MDGA2: variants seen among roughly 807,000 people sequenced by gnomAD.
MDGA2 encodes the protein MAM domain containing glycosylphosphatidylinositol anchor 2.
A neutral mutation model predicts 117.8 loss-of-function variants in MDGA2; 40 were observed. The ratio of observed to expected loss-of-function variants is 0.34; its 90% confidence interval spans 0.26 to 0.44. The LOEUF (loss-of-function observed/expected upper bound fraction) is 0.44. MDGA2 is among the 20% of genes least tolerant of loss of function. MDGA2 has a pLI of 1.00. For synonymous variants in MDGA2, 452 were observed against 439.0 expected, an observed-to-expected ratio of 1.03 and a Z score of -0.37; for missense variants, 1,123 against 1,250.6, an observed-to-expected ratio of 0.90 and a Z score of 1.54.
At position 47,200,497 on chromosome 14, in the gene MDGA2, C is replaced by A; in HGVS notation, c.595+17524G>T. On this transcript the variant is annotated intron_variant, in intron 3 of 16. Transcript: ENST00000399232. ...ATTACTCATATATGCAACCACTTCC[C>A]TTTTTCTATTTTTCTTTTCTTTTTT... The A allele has an allele frequency of 2.3e-5, 13 of 566,850 alleles. No individual in the cohort carries two copies. The South Asian group carries it at 4.0e-4, about 17-fold the overall frequency. 35.1% of individuals were successfully genotyped at this position (566,850 alleles called of 1,614,324 possible). A position where few individuals can be genotyped will look rare whatever the true frequency, so the allele number is the denominator to read the frequency against.
At chr14:46,977,641 T>C (rs1886515779) in intron 8 of MDGA2, among the ~76,000 whole-genome samples, 1 of 151,944 alleles carries the variant, frequency 6.6e-6, no homozygotes, top group South Asian at 2.1e-4. Flanking sequence ...TCTAATTAAG[T>C]CAGAATTTTA....
At chr14:47,129,082 T>C (rs985367044) in intron 5 of MDGA2, among the ~76,000 whole-genome samples, 1 of 146,296 alleles carries the variant, frequency 6.8e-6, no homozygotes, top group Non-Finnish European at 1.6e-5. Flanking sequence ...AATAGAGCAT[T>C]CTCTAGTTTT....
intron 6 of MDGA2, among the ~76,000 whole-genome samples, chr14:47,065,292 G>A (rs1230359454): frequency 6.6e-6 from 1 of 152,100 alleles, no homozygotes; most frequent in Non-Finnish European, 1.5e-5. Flanking sequence ...TGCACTTACT[G>A]AAATCCCTCT....
chr14:47,172,896 T>G (rs566345174), intron 3 of MDGA2, among the ~76,000 whole-genome samples: 1 of 152,162 alleles, frequency 6.6e-6, no homozygotes, highest in Admixed American at 6.5e-5. Context: ...AGTTAAAAAC[T>G]TCGAAAAAAA....
intron 1 of MDGA2, among the ~76,000 whole-genome samples, chr14:47,418,065 C>CT (rs952266536): frequency 1.3e-5 from 2 of 151,862 alleles, no homozygotes; most frequent in African/African-American, 4.8e-5. Context: ...AATTAGGGTA[C>CT]TTTTTAATTT....
At chr14:47,308,674 A>C (rs1451080395) in intron 1 of MDGA2, among the ~76,000 whole-genome samples, 3 of 151,540 alleles carry the variant, frequency 2.0e-5, no homozygotes, top group Non-Finnish European at 4.4e-5. Context: ...TAAAAAAAAA[A>C]ACAGAGACAA....
intron 3 of MDGA2, among the ~76,000 whole-genome samples, chr14:47,204,821 A>G (rs1885624890): frequency 6.6e-6 from 1 of 152,028 alleles, no homozygotes. Context: ...TACCAACATT[A>G]TATATTCTAA....
chr14:47,300,260 A>G (rs1341004977), intron 2 of MDGA2, among the ~76,000 whole-genome samples: 3 of 152,092 alleles, frequency 2.0e-5, no homozygotes, highest in African/African-American at 7.2e-5. Flanking sequence ...AAAATATGTA[A>G]TTTTGTCTAC....
intron 1 of MDGA2, among the ~76,000 whole-genome samples, chr14:47,414,473 C>T (rs1892435504): frequency 6.6e-6 from 1 of 151,984 alleles, no homozygotes; most frequent in South Asian, 2.1e-4. Flanking sequence ...AGAATAATAG[C>T]CTTTGCTAAA....
chr14:46,931,681 C>T (rs764040662), intron 9 of MDGA2, among the ~76,000 whole-genome samples: 3 of 151,956 alleles, frequency 2.0e-5, no homozygotes, highest in Non-Finnish European at 1.5e-5. Flanking sequence ...AGCCACCACA[C>T]TCAGCTAATT....
chr14:47,188,794 G>C (rs921033517), intron 3 of MDGA2, among the ~76,000 whole-genome samples: 1 of 152,058 alleles, frequency 6.6e-6, no homozygotes, highest in Non-Finnish European at 1.5e-5. Context: ...TTTCTAGCAC[G>C]TCAGAGCAAA....
At chr14:47,138,702 C>T (rs1048085408) in intron 4 of MDGA2, among the ~76,000 whole-genome samples, 1 of 151,928 alleles carries the variant, frequency 6.6e-6, no homozygotes, top group Non-Finnish European at 1.5e-5. Flanking sequence ...AAATTATATT[C>T]ATTCATTTTG....
Position 47,011,311 on chromosome 14 carries a change from C to T in MDGA2, c.1819+23700G>A, listed in dbSNP as rs567393060. Among the ~76,000 whole-genome samples the T allele has an allele frequency of 4.0e-5, 6 of 151,880 alleles. No homozygotes were observed. The East Asian group carries it at 9.7e-4, about 25-fold the overall frequency. On this transcript the variant is annotated intron_variant, in intron 8 of 16. Transcript: ENST00000399232. ...AACATTACATAAATCTGTGGTTGGC[C>T]GTAAGAATGTACATACCATTCATCA...
chr14:47,070,721 T>C (rs1269856765), intron 6 of MDGA2, among the ~76,000 whole-genome samples: 1 of 152,194 alleles, frequency 6.6e-6, no homozygotes, highest in African/African-American at 2.4e-5. Flanking sequence ...TTCTCCCACC[T>C]CAGCTTCCCA....
intron 8 of MDGA2, among the ~76,000 whole-genome samples, chr14:47,020,365 T>C (rs1381421405): frequency 6.6e-6 from 1 of 152,202 alleles, no homozygotes; most frequent in African/African-American, 2.4e-5. Flanking sequence ...CAAGCTACAA[T>C]TTGGGACCAA....
chr14:46,944,162 C>A (rs1885090652), intron 9 of MDGA2, among the ~76,000 whole-genome samples: 1 of 151,922 alleles, frequency 6.6e-6, no homozygotes. Flanking sequence ...TGCAGTTTCA[C>A]AGACTACCAA....
intron 2 of MDGA2, among the ~76,000 whole-genome samples, chr14:47,248,622 T>C (rs886696390): frequency 3.3e-5 from 5 of 152,052 alleles, no homozygotes; most frequent in Non-Finnish European, 7.4e-5. Context: ...ATGCAAACTA[T>C]ATTGTCTGGG....
At chr14:47,119,678 T>C (rs1049418658) in intron 5 of MDGA2, among the ~76,000 whole-genome samples, 1 of 152,204 alleles carries the variant, frequency 6.6e-6, no homozygotes, top group African/African-American at 2.4e-5. Flanking sequence ...TACAGGACTT[T>C]ATAAAGTATT....
chr14:46,973,878 A>G (rs1886357384), intron 8 of MDGA2, among the ~76,000 whole-genome samples: 2 of 145,054 alleles, frequency 1.4e-5, no homozygotes, highest in Non-Finnish European at 1.5e-5. Context: ...AATCAGTTGC[A>G]TTTCTTCCTT....
Sources: gnomAD v4.1 joint callset for allele counts (sites outside exome capture counted in the v4.1 genomes callset) on GRCh38, gnomAD v4.1.1 for gene constraint, MANE v1.5 for transcripts, NCBI Gene and HGNC (gene_info 2026-07-23, HGNC 2026-07-21) for gene names.